FGFR2: variants seen among roughly 807,000 people sequenced by gnomAD.
The protein encoded by FGFR2 is fibroblast growth factor receptor 2, also known as BEK fibroblast growth factor receptor.
FGFR2 carries 19 observed loss-of-function variants against 95.9 expected under a neutral mutation model. The ratio of observed to expected loss-of-function variants is 0.20; its 90% CI spans 0.14 to 0.29. The LOEUF (loss-of-function observed/expected upper bound fraction) is 0.29, where lower values mean the gene tolerates loss of function less well. Ranked by LOEUF, FGFR2 falls within the 10% of genes least tolerant of loss-of-function variation. The pLI, the probability that FGFR2 is intolerant of heterozygous loss-of-function variation, is 1.00. For synonymous variants in FGFR2, 392 were observed against 393.3 expected (o/e 1.00, Z 0.04); for missense variants, 707 against 1,056.9 (o/e 0.67, Z 4.59).
intron 4 of FGFR2, among the ~76,000 whole-genome samples, chr10:121,558,457 G>A (rs1351416488): frequency 1.3e-5 from 2 of 152,340 alleles, no homozygotes; most frequent in African/African-American, 4.8e-5. Context: ...CTGGTACCAT[G>A]TGAGGTCATC....
rs185761903 is a variant in FGFR2 at position 121,589,016 on chromosome 10, T to C, written c.109+4693A>G. On this transcript the variant is annotated intron_variant, in intron 2 of 17. Transcript: ENST00000358487. ...GCACAGTTGCATAAAACCTACTGGA[T>C]CAGAATTATCTGTGGAATAGCCTAA... 1.1e-4 allele frequency among the ~76,000 whole-genome samples: 16 copies of C among 152,286 alleles called. No individual in the cohort carries two copies. The East Asian group carries it at 3.1e-3, about 29-fold the overall frequency.
intron 9 of FGFR2, among the ~76,000 whole-genome samples, chr10:121,512,661 CTAGGAT>C (rs1849207684): frequency 6.6e-6 from 1 of 152,042 alleles, no homozygotes; most frequent in Non-Finnish European, 1.5e-5. Flanking sequence ...TCCTGTGGAG[CTAGGAT>C]TACAGGCATT....
chr10:121,513,308 C>T (rs570932742), intron 9 of FGFR2, among the ~76,000 whole-genome samples: 5 of 152,312 alleles, frequency 3.3e-5, no homozygotes, highest in African/African-American at 1.2e-4. Context: ...CATCCACAAG[C>T]AGTATATTTC....
chr10:121,548,979 C>T (rs1854976829), intron 5 of FGFR2, among the ~76,000 whole-genome samples: 2 of 152,212 alleles, frequency 1.3e-5, no homozygotes, highest in Non-Finnish European at 1.5e-5. Context: ...GGACAAATCA[C>T]CCCCTGCCTC....
At chr10:121,567,640 C>A (rs1023786942) in intron 2 of FGFR2, among the ~76,000 whole-genome samples, 1 of 152,216 alleles carries the variant, frequency 6.6e-6, no homozygotes, top group African/African-American at 2.4e-5. Flanking sequence ...AAGGACATGG[C>A]AAGGTACGGG....
intron 2 of FGFR2, among the ~76,000 whole-genome samples, chr10:121,570,238 T>C (rs762806449): frequency 2.0e-5 from 3 of 152,248 alleles, no homozygotes; most frequent in Non-Finnish European, 2.9e-5. Context: ...GCTTCTCTTC[T>C]GGGTTTGAAT....
chr10:121,567,598 A>G (rs536734780), intron 2 of FGFR2, among the ~76,000 whole-genome samples: 1 of 152,332 alleles, frequency 6.6e-6, no homozygotes, highest in African/African-American at 2.4e-5. Context: ...AATCTACAAA[A>G]AATACAGTGT....
rs185775064 is a variant in FGFR2, at chr10:121,594,206, G to C, written c.-150-239C>G. The C allele has an allele frequency of 2.3e-5, 10 of 427,626 alleles. No homozygotes were observed. In the Admixed American group the frequency reaches 3.1e-4, roughly 13 times the overall value. The allele number at this position is 427,626 out of a possible 1,614,324, so 26.5% of individuals were successfully genotyped here. ...ACTTTTAAGAAACAGAGATAAAACA[G>C]TAGCTACAGGACTCAGATACGTGCA... On this transcript the variant is annotated intron_variant, in intron 1 of 17. Transcript: ENST00000358487.
At chr10:121,505,235 CA>C (rs1833373709) in intron 9 of FGFR2, among the ~76,000 whole-genome samples, 1 of 152,174 alleles carries the variant, frequency 6.6e-6, no homozygotes, top group South Asian at 2.1e-4. Flanking sequence ...TCCCTCAAAG[CA>C]GGCTGGAAAT....
intron 2 of FGFR2, among the ~76,000 whole-genome samples, chr10:121,569,770 T>C (rs1858301624): frequency 6.6e-6 from 1 of 152,222 alleles, no homozygotes; most frequent in Non-Finnish European, 1.5e-5. Flanking sequence ...GTAACTGCTG[T>C]CTTGGTAAAC....
intron 17 of FGFR2, among the ~76,000 whole-genome samples, chr10:121,482,420 A>C (rs1316495848): frequency 6.6e-6 from 1 of 152,174 alleles, no homozygotes; most frequent in African/African-American, 2.4e-5. Flanking sequence ...ATATCACTAC[A>C]TTTGATTATT....
At chr10:121,597,778 G>T (rs954547911) in intron 1 of FGFR2, among the ~76,000 whole-genome samples, 184 bp downstream of exon 1, 3 of 152,226 alleles carry the variant, frequency 2.0e-5, no homozygotes, top group African/African-American at 7.2e-5. Flanking sequence ...AACGCCGGCC[G>T]TCAGCACGCA....
At chr10:121,497,495 T>C (rs1338444850) in intron 12 of FGFR2, among the ~76,000 whole-genome samples, 1 of 152,272 alleles carries the variant, frequency 6.6e-6, no homozygotes, top group Non-Finnish European at 1.5e-5. Flanking sequence ...AACCAGATCA[T>C]TCCTTTTCAC....
intron 2 of FGFR2, among the ~76,000 whole-genome samples, chr10:121,585,320 A>C (rs995586451): frequency 6.6e-6 from 1 of 152,244 alleles, no homozygotes; most frequent in African/African-American, 2.4e-5. Context: ...AATGCTTCTC[A>C]TCAGACAATT....
At chr10:121,576,884 C>T (rs1859858870) in intron 2 of FGFR2, among the ~76,000 whole-genome samples, 1 of 151,666 alleles carries the variant, frequency 6.6e-6, no homozygotes, top group Non-Finnish European at 1.5e-5. Flanking sequence ...CCTGTAATCC[C>T]AGAACTTTGG....
At chr10:121,493,184 A>G (rs1189274128) in intron 13 of FGFR2, among the ~76,000 whole-genome samples, 1 of 152,112 alleles carries the variant, frequency 6.6e-6, no homozygotes, top group African/African-American at 2.4e-5. Flanking sequence ...CTTTATGTCA[A>G]ATGCTCTGCC....
intron 2 of FGFR2, among the ~76,000 whole-genome samples, chr10:121,574,778 G>A (rs887500128): frequency 1.7e-4 from 26 of 152,144 alleles, no homozygotes; most frequent in African/African-American, 4.8e-4. Context: ...TTAAGGGGGC[G>A]AGGAAGGGAC....
At chr10:121,512,924 C>T (rs1484832214) in intron 9 of FGFR2, among the ~76,000 whole-genome samples, 1 of 152,024 alleles carries the variant, frequency 6.6e-6, no homozygotes, top group Non-Finnish European at 1.5e-5. Context: ...GGCTGGAGCG[C>T]AATGGTGTGA....
chr10:121,567,227 C>T (rs1277414293), intron 2 of FGFR2, among the ~76,000 whole-genome samples: 3 of 152,118 alleles, frequency 2.0e-5, no homozygotes, highest in East Asian at 3.9e-4. Flanking sequence ...ACAAGAAATC[C>T]CCCTCACCAC....
Sources: gnomAD v4.1 joint callset for allele counts (sites outside exome capture counted in the v4.1 genomes callset) on GRCh38, gnomAD v4.1.1 for gene constraint, MANE v1.5 for transcripts, NCBI Gene and HGNC (gene_info 2026-07-23, HGNC 2026-07-21) for gene names.